ANKRD11: variants seen among roughly 807,000 people sequenced by gnomAD.
The protein encoded by ANKRD11 is ankyrin repeat domain-containing protein 11.
In ANKRD11, 17 loss-of-function variants were observed where a neutral mutation model predicts 195.7. The observed-to-expected ratio is 0.09, with a 90% CI of 0.06 to 0.13. The LOEUF is 0.13. Ranked by LOEUF, ANKRD11 falls within the 10% of genes least tolerant of loss-of-function variation. The probability of loss-of-function intolerance (pLI) is 1.00; values close to 1 mark genes in which losing one functional copy is unlikely to be tolerated. For synonymous variants in ANKRD11, 1,953 were observed against 1,528.1 expected (o/e 1.28, Z -6.49); for missense variants, 3,735 against 3,566.1 (o/e 1.05, Z -1.21).
chr16:89,279,676 C>A lies in ANKRD11; in HGVS notation c.6866G>T (p.Gly2289Val), dbSNP rs1409860416. 2.0e-6 allele frequency: 3 copies of A among 1,473,652 alleles called. No homozygotes were observed. The highest frequency in any genetic ancestry group is 1.3e-5 in the South Asian group (1 of 74,428). 91.3% of individuals were successfully genotyped at this position (1,473,652 alleles called of 1,614,324 possible). Reference protein sequence around the residue: ...VAQAQAADGAGPEDDTEASRA... With the variant: ...VAQAQAADGAVPEDDTEASRA... ...GGAGGCCTCAGTGTCGTCCTCGGGG[C>A]CGGCACCGTCTGCGGCCTGAGCTTG... The change falls in exon 9 of 13, where the codon GGC becomes GTC. Residue 2289 changes from glycine (G) to valine (V), a missense_variant. Physicochemically the swap from Gly to Val is moderately radical, Grantham distance 109. Coordinates refer to ENST00000301030, the MANE Select transcript of ANKRD11 (RefSeq NM_013275.6). This position sits in a 1 kb window ranked among gnomAD's most constrained non-coding sequence, Gnocchi z 5.6.
Position 89,281,072 on chromosome 16 carries a change from G to A in ANKRD11, c.5470C>T (p.Pro1824Ser), listed in dbSNP as rs772084330. ...CTGTCTTCCATCGAGGGTGGCATGG[G>A]AGAGTCGTAGCTGGAGGCAGCAGGA... ...SVPAASSYDS[P>S]MPPSMEDRAP... Residue 1824 changes from proline (P) to serine (S), a missense_variant, in exon 9 of 13, where the codon CCC (proline) becomes TCC (serine). By Grantham distance (74) the Pro-to-Ser change is moderately conservative. Transcript: ENST00000301030. This position sits in a 1 kb window ranked among gnomAD's most constrained non-coding sequence, Gnocchi z 5.5. The A allele has an allele frequency of 4.4e-6, 7 of 1,608,202 alleles. No homozygotes were observed. In the East Asian group the frequency reaches 1.3e-4, roughly 31 times the overall value.
chr16:89,337,469 C>T (rs2038429931), intron 2 of ANKRD11, among the ~76,000 whole-genome samples: 1 of 108,006 alleles, frequency 9.3e-6, no homozygotes, highest in African/African-American at 3.4e-5. Flanking sequence ...GACAGTCTCC[C>T]TCTGTCGCCC....
chr16:89,485,623 A>G (rs1164751366), intron 1 of ANKRD11, among the ~76,000 whole-genome samples: 1 of 152,190 alleles, frequency 6.6e-6, no homozygotes, highest in Non-Finnish European at 1.5e-5. Context: ...ACAAGTCGCA[A>G]TCTCCCAAAT....
intron 2 of ANKRD11, among the ~76,000 whole-genome samples, chr16:89,344,180 C>A (rs970723553): frequency 7.2e-5 from 11 of 152,208 alleles, no homozygotes; most frequent in African/African-American, 2.7e-4. Flanking sequence ...TGGCTCAGGA[C>A]AGATTCCCAG....
intron 2 of ANKRD11, among the ~76,000 whole-genome samples, chr16:89,363,597 T>C: frequency 6.6e-6 from 1 of 152,238 alleles, no homozygotes; most frequent in East Asian, 1.9e-4. Flanking sequence ...AAAACTTTCT[T>C]TGCATTCTGT....
intron 4 of ANKRD11, chr16:89,301,687 C>T: frequency 2.5e-6 from 1 of 398,726 alleles, no homozygotes; most frequent in Non-Finnish European, 4.4e-6. Context: ...GCCTGGACAG[C>T]CTCCAGGCTG....
intron 1 of ANKRD11, among the ~76,000 whole-genome samples, chr16:89,472,294 T>C (rs1442850193): frequency 1.3e-5 from 2 of 152,158 alleles, no homozygotes; most frequent in Non-Finnish European, 2.9e-5. Context: ...ACCTGTGCTT[T>C]TGTGTTTGTG....
At chr16:89,469,449 C>T (rs1287216653) in intron 1 of ANKRD11, among the ~76,000 whole-genome samples, 1 of 151,988 alleles carries the variant, frequency 6.6e-6, no homozygotes, top group Non-Finnish European at 1.5e-5. Context: ...TGTCAAACTC[C>T]TAACCTCAGG....
In ANKRD11 at chr16:89,269,158, A is replaced by C. The variant is rs546116103; in HGVS notation, c.7807-495T>G. ...CGTGGCCAGGGAGTACTGGTATGTC[A>C]CAAGCAACCGTGTAGAGAATCTTTT... is the stretch of plus-strand genomic sequence containing the variant. On this transcript the variant is annotated intron_variant, in intron 12 of 12. Transcript: ENST00000301030. Among the ~76,000 whole-genome samples the C allele has an allele frequency of 7.4e-4, 112 of 152,262 alleles. 1 individual carries two copies. Among genetic ancestry groups the C allele is most frequent in the African/African-American group, 2.6e-3 (106 of 41,550 alleles).
At chr16:89,471,956 C>T (rs1445563414) in intron 1 of ANKRD11, among the ~76,000 whole-genome samples, 1 of 152,004 alleles carries the variant, frequency 6.6e-6, no homozygotes, top group African/African-American at 2.4e-5. Flanking sequence ...GGCATGCAGC[C>T]CTGCCAAACA....
At chr16:89,408,793 A>G (rs1026346884) in intron 2 of ANKRD11, among the ~76,000 whole-genome samples, 1 of 152,218 alleles carries the variant, frequency 6.6e-6, no homozygotes, top group African/African-American at 2.4e-5. Context: ...ACATCTTTTG[A>G]GGCCTACATT....
At chr16:89,344,874 A>G (rs2038865729) in intron 2 of ANKRD11, among the ~76,000 whole-genome samples, 1 of 152,206 alleles carries the variant, frequency 6.6e-6, no homozygotes, top group Non-Finnish European at 1.5e-5. Context: ...CATCTTCAAG[A>G]GAACCTCAAA....
At chr16:89,304,024 G>A (rs984054046) in intron 4 of ANKRD11, among the ~76,000 whole-genome samples, 6 of 152,214 alleles carry the variant, frequency 3.9e-5, no homozygotes, top group African/African-American at 1.4e-4. Context: ...GTTCACTCCA[G>A]GCTTTGTGGC....
intron 2 of ANKRD11, among the ~76,000 whole-genome samples, chr16:89,321,702 GA>G (rs955573329): frequency 0.016 from 2,275 of 144,736 alleles, 63 homozygotes; most frequent in African/African-American, 0.053. Flanking sequence ...AAAACTCACA[GA>G]AAAAAAAAAA....
chr16:89,386,239 C>T (rs1219734059), intron 2 of ANKRD11, among the ~76,000 whole-genome samples: 3 of 151,818 alleles, frequency 2.0e-5, no homozygotes, highest in Non-Finnish European at 2.9e-5. Flanking sequence ...AACATAATGA[C>T]CAAATAAAAA....
chr16:89,411,402 G>A (rs1317832848), intron 2 of ANKRD11, among the ~76,000 whole-genome samples: 3 of 152,350 alleles, frequency 2.0e-5, no homozygotes, highest in South Asian at 2.1e-4. Context: ...TCTTGCTGTC[G>A]AGATGGTCTA....
intron 2 of ANKRD11, among the ~76,000 whole-genome samples, chr16:89,330,186 AG>A (rs374891844): frequency 6.6e-6 from 1 of 152,266 alleles, no homozygotes; most frequent in East Asian, 1.9e-4. Flanking sequence ...AACTTCAAAA[AG>A]GAAGAGGAAG....
In ANKRD11 at chr16:89,429,985, C is replaced by T. The variant is rs1192577712; in HGVS notation, c.-144-11617G>A. Among the ~76,000 whole-genome samples, 5 of 114,726 alleles carry T rather than the reference C, an allele frequency of 4.4e-5. 1 individual carries two copies. The highest frequency in any genetic ancestry group is 1.7e-4 in the Admixed American group (2 of 11,772). 75.3% of individuals were successfully genotyped at this position (114,726 alleles called of 152,430 possible). A position where few individuals can be genotyped will look rare whatever the true frequency, so the allele number is the denominator to read the frequency against. ...ACACAGCAGGGATTCTCAACTCTCA[C>T]GCTCAGTCGTTCTAGTACACAGCAG... On this transcript the variant is annotated intron_variant, in intron 1 of 12. Coordinates refer to ENST00000301030, the MANE Select transcript of ANKRD11 (RefSeq NM_013275.6).
At chr16:89,404,560 T>C (rs565087080) in intron 2 of ANKRD11, among the ~76,000 whole-genome samples, 4 of 152,330 alleles carry the variant, frequency 2.6e-5, no homozygotes, top group African/African-American at 9.6e-5. Context: ...AAAGCTGCTT[T>C]TGAAAACACT....
Sources: gnomAD v4.1 joint callset for allele counts (sites outside exome capture counted in the v4.1 genomes callset) on GRCh38, gnomAD v4.1.1 for gene constraint, Gnocchi (gnomAD v3.1) non-coding constraint, MANE v1.5 for transcripts, NCBI Gene and HGNC (gene_info 2026-07-23, HGNC 2026-07-21) for gene names.